PTTG1IP2: variants seen among roughly 807,000 people sequenced by gnomAD.
The protein encoded by PTTG1IP2 is PTTG1IP family member 2.
intron 6 of PTTG1IP2, among the ~76,000 whole-genome samples, chr7:90,500,228 AAAAC>A (rs1392130840): frequency 6.6e-6 from 1 of 152,168 alleles, no homozygotes; most frequent in Non-Finnish European, 1.5e-5. Context: ...ACAAACAAAC[AAAAC>A]AAACAATTCA....
intron 2 of PTTG1IP2, among the ~76,000 whole-genome samples, chr7:90,485,894 C>T (rs575824069): frequency 1.5e-3 from 233 of 152,292 alleles, no homozygotes; most frequent in Non-Finnish European, 2.9e-3. Context: ...GTACTAACAA[C>T]CAAGGCCAGA....
At chr7:90,505,750 C>A (rs1478916296) in intron 6 of PTTG1IP2, among the ~76,000 whole-genome samples, 2 of 151,804 alleles carry the variant, frequency 1.3e-5, no homozygotes, top group African/African-American at 4.8e-5. Flanking sequence ...TTTGGGAGGC[C>A]GAGGCGGGTG....
At chr7:90,479,606 A>T (rs768773345) in intron 2 of PTTG1IP2, among the ~76,000 whole-genome samples, 1 of 152,214 alleles carries the variant, frequency 6.6e-6, no homozygotes, top group Non-Finnish European at 1.5e-5. Context: ...ATGTGGTGAC[A>T]ATTTCCTTCC....
At chr7:90,513,061 G>T (rs11563421) in intron 6 of PTTG1IP2, among the ~76,000 whole-genome samples, 26,224 of 152,156 alleles carry the variant, frequency 0.17, 2,359 homozygotes, top group East Asian at 0.23. Flanking sequence ...GAAGAAGCTT[G>T]TCATTTCCAA....
At chr7:90,472,649 C>G (rs937928938) in intron 1 of PTTG1IP2, among the ~76,000 whole-genome samples, 1 of 152,188 alleles carries the variant, frequency 6.6e-6, no homozygotes, top group Non-Finnish European at 1.5e-5. Flanking sequence ...CCTCTGTCCT[C>G]TAGCCTAGGG....
At chr7:90,491,638 A>AG (rs1797939621) in intron 4 of PTTG1IP2, among the ~76,000 whole-genome samples, 1 of 151,660 alleles carries the variant, frequency 6.6e-6, no homozygotes, top group Non-Finnish European at 1.5e-5. Context: ...AAAAAAAAAA[A>AG]GAAATATCAA....
intron 6 of PTTG1IP2, among the ~76,000 whole-genome samples, chr7:90,504,062 A>T (rs1171179542): frequency 6.6e-6 from 1 of 152,182 alleles, no homozygotes; most frequent in Non-Finnish European, 1.5e-5. Flanking sequence ...CAAACCTGTA[A>T]TCCCAGCATT....
chr7:90,496,834 C>T (rs1797997120), intron 6 of PTTG1IP2, among the ~76,000 whole-genome samples: 1 of 152,148 alleles, frequency 6.6e-6, no homozygotes, highest in African/African-American at 2.4e-5. Flanking sequence ...TTGTTATTAA[C>T]TTCCCTCTAA....
At chr7:90,472,315 CA>C (rs1797701042) in intron 1 of PTTG1IP2, among the ~76,000 whole-genome samples, 1 of 100,228 alleles carries the variant, frequency 1.0e-5, no homozygotes, top group African/African-American at 3.6e-5. Flanking sequence ...CACACACACA[CA>C]CACACCCCAA....
intron 6 of PTTG1IP2, among the ~76,000 whole-genome samples, chr7:90,506,016 A>G (rs80355376): frequency 1.3e-5 from 2 of 149,430 alleles, no homozygotes; most frequent in East Asian, 2.0e-4. Flanking sequence ...AAAAAAAAAA[A>G]AAAAGAAAAT....
intron 6 of PTTG1IP2, among the ~76,000 whole-genome samples, chr7:90,498,964 GC>G (rs1323279511): frequency 3.3e-5 from 5 of 151,992 alleles, no homozygotes; most frequent in Non-Finnish European, 7.4e-5. Context: ...TGATCCTCTG[GC>G]CTAAGCCTCT....
At chr7:90,487,095 C>A (rs1162020189) in intron 2 of PTTG1IP2, among the ~76,000 whole-genome samples, 1 of 152,034 alleles carries the variant, frequency 6.6e-6, no homozygotes, top group Non-Finnish European at 1.5e-5. Flanking sequence ...CTATCGTCGT[C>A]CAAGAAGAGG....
intron 6 of PTTG1IP2, among the ~76,000 whole-genome samples, chr7:90,495,399 T>C (rs1430349816): frequency 6.6e-6 from 1 of 152,228 alleles, no homozygotes; most frequent in Non-Finnish European, 1.5e-5. Flanking sequence ...CTATGGCATG[T>C]CAAATGATGG....
At chr7:90,493,987 C>T (rs1388434559) in intron 5 of PTTG1IP2, among the ~76,000 whole-genome samples, 1 of 152,182 alleles carries the variant, frequency 6.6e-6, no homozygotes, top group African/African-American at 2.4e-5. Flanking sequence ...CCTGTGAAGA[C>T]AGTTATTTTT....
At chr7:90,484,184 T>C (rs1171768067) in intron 2 of PTTG1IP2, among the ~76,000 whole-genome samples, 3 of 151,924 alleles carry the variant, frequency 2.0e-5, no homozygotes, top group African/African-American at 7.2e-5. Context: ...TTTTCTTTTT[T>C]CCCCGAATCT....
At chr7:90,497,457 G>C (rs1221656804) in intron 6 of PTTG1IP2, among the ~76,000 whole-genome samples, 1 of 151,538 alleles carries the variant, frequency 6.6e-6, no homozygotes, top group African/African-American at 2.4e-5. Flanking sequence ...CCAGCTACTC[G>C]GGAGGCTGAG....
chr7:90,477,170 A>G (rs1473699046), intron 1 of PTTG1IP2, among the ~76,000 whole-genome samples: 2 of 152,212 alleles, frequency 1.3e-5, no homozygotes, highest in African/African-American at 4.8e-5. Flanking sequence ...TCAAGAGCAA[A>G]GAAGTAACCA....
chr7:90,504,868 A>G (rs1019520778), intron 6 of PTTG1IP2, among the ~76,000 whole-genome samples: 1 of 152,206 alleles, frequency 6.6e-6, no homozygotes, highest in Non-Finnish European at 1.5e-5. Context: ...TAATCTTGTC[A>G]TGCTTGACAT....
intron 2 of PTTG1IP2, among the ~76,000 whole-genome samples, chr7:90,483,825 A>T (rs1482020620): frequency 1.3e-5 from 2 of 152,132 alleles, no homozygotes; most frequent in Non-Finnish European, 2.9e-5. Context: ...CTGAATGAGC[A>T]CATTCCTAAT....
Sources: gnomAD v4.1 joint callset for allele counts (sites outside exome capture counted in the v4.1 genomes callset) on GRCh38, gnomAD v4.1.1 for gene constraint, MANE v1.5 for transcripts, NCBI Gene and HGNC (gene_info 2026-07-23, HGNC 2026-07-21) for gene names.